The following KIF21A variants were observed in gnomAD, a reference collection of about 807,000 sequenced individuals.
KIF21A encodes the protein kinesin-like protein KIF21A.
KIF21A carries 114 observed loss-of-function variants against 202.9 expected under a neutral mutation model. The observed-to-expected ratio is 0.56, with a 90% CI of 0.48 to 0.66. The LOEUF (loss-of-function observed/expected upper bound fraction) is 0.66. Among genes scored for constraint, KIF21A ranks in the 30% least tolerant of loss-of-function variants. KIF21A has a pLI of 0.00. For synonymous variants in KIF21A, 667 were observed against 670.8 expected, an observed-to-expected ratio of 0.99 and a Z score of 0.09; for missense variants, 1,677 against 1,994.9, an observed-to-expected ratio of 0.84 and a Z score of 3.04.
intron 1 of KIF21A, among the ~76,000 whole-genome samples, chr12:39,419,936 C>T (rs746878558): frequency 1.3e-5 from 2 of 152,004 alleles, no homozygotes; most frequent in African/African-American, 2.4e-5. Flanking sequence ...AGAAGACAGG[C>T]CCATCTCAGA....
At chr12:39,421,307 CA>C (rs1241564107) in intron 1 of KIF21A, among the ~76,000 whole-genome samples, 1 of 152,122 alleles carries the variant, frequency 6.6e-6, no homozygotes, top group African/African-American at 2.4e-5. Context: ...CACACAACCG[CA>C]AAATTGCCTA....
intron 1 of KIF21A, among the ~76,000 whole-genome samples, chr12:39,383,462 T>G (rs370789169): frequency 1.6e-3 from 248 of 152,320 alleles, no homozygotes; most frequent in African/African-American, 5.8e-3. Flanking sequence ...CTATAAAAAT[T>G]GTTTCCAGAA....
At chr12:39,394,835 C>T (rs35717937) in intron 1 of KIF21A, among the ~76,000 whole-genome samples, 1,972 of 152,210 alleles carry the variant, frequency 0.013, 16 homozygotes, top group Non-Finnish European at 0.022. Flanking sequence ...GGATGGGGGG[C>T]GGGGGAGTTC....
intron 17 of KIF21A, among the ~76,000 whole-genome samples, chr12:39,334,715 A>G (rs1946813645): frequency 6.6e-6 from 1 of 152,188 alleles, no homozygotes; most frequent in African/African-American, 2.4e-5. Context: ...ACAAGGAACA[A>G]TTTTAAAAGG....
intron 1 of KIF21A, among the ~76,000 whole-genome samples, chr12:39,396,960 CT>C (rs1272754948): frequency 6.6e-6 from 1 of 152,082 alleles, no homozygotes; most frequent in East Asian, 1.9e-4. Context: ...ACTCAAAAGA[CT>C]AAATAAATAG....
At chr12:39,354,622 T>G (rs1006008509) in intron 10 of KIF21A, among the ~76,000 whole-genome samples, 2 of 152,080 alleles carry the variant, frequency 1.3e-5, no homozygotes, top group African/African-American at 4.8e-5. Context: ...TAAGATGAAA[T>G]AGAAATATTC....
At chr12:39,369,691 A>T (rs1425816331) in intron 3 of KIF21A, 38 bp downstream of exon 3, 2 of 1,543,692 alleles carry the variant, frequency 1.3e-6, no homozygotes, top group South Asian at 2.2e-5. Context: ...TATAAGAACA[A>T]AATTTAAAAG....
At position 39,315,243 on chromosome 12, in the gene KIF21A, G is replaced by C. The variant is rs375530800; in HGVS notation, c.3948-3C>G. 12 of 1,611,528 alleles carry C rather than the reference G, an allele frequency of 7.4e-6. No homozygotes were observed. In the African/African-American group the frequency reaches 1.1e-4, roughly 14 times the overall value. On this transcript the variant is annotated splice_region_variant and splice_polypyrimidine_tract_variant and intron_variant, in intron 30 of 37. Coordinates refer to ENST00000361418, the MANE Select transcript of KIF21A (RefSeq NM_001173464.2). ...CCCCTGCCTACCTTCTGGAGGATCT[G>C]CTGATGATCAGCAAAAATGGCCATA...
intron 21 of KIF21A, chr12:39,331,998 A>G: frequency 1.5e-6 from 1 of 662,364 alleles, no homozygotes; most frequent in Non-Finnish European, 2.6e-6. Flanking sequence ...TGGGATGTAA[A>G]GATGACCCAT....
chr12:39,360,393 A>AT (rs201499236), intron 7 of KIF21A, among the ~76,000 whole-genome samples: 41,447 of 145,098 alleles, frequency 0.29, 6,498 homozygotes, highest in South Asian at 0.46. Flanking sequence ...TAGAAATATG[A>AT]TTTTTTTTTT....
intron 25 of KIF21A, 136 bp downstream of exon 25, chr12:39,326,128 T>C: frequency 1.3e-6 from 1 of 756,918 alleles, no homozygotes; most frequent in Non-Finnish European, 2.3e-6. Flanking sequence ...TGGTTTCTAT[T>C]TACTGTTTCT....
In KIF21A at chr12:39,315,227, A is replaced by G. The variant is rs757946739; in HGVS notation, c.3959+2T>C. ...TAATTTCCTCTCCCTTCCCCTGCCT[A>G]CCTTCTGGAGGATCTGCTGATGATC... On this transcript the variant is annotated splice_donor_variant, in intron 31 of 37. Transcript: ENST00000361418. LOFTEE classifies it high-confidence loss of function. 14 of 1,611,872 alleles carry G rather than the reference A, an allele frequency of 8.7e-6. No homozygotes were observed. Among genetic ancestry groups the G allele is most frequent in the Admixed American group, 1.7e-5 (1 of 59,958 alleles).
intron 1 of KIF21A, among the ~76,000 whole-genome samples, chr12:39,372,458 T>C (rs191382721): frequency 2.6e-5 from 4 of 152,260 alleles, no homozygotes; most frequent in East Asian, 3.9e-4. Context: ...TGTCACTCCA[T>C]AGGTATCATG....
Position 39,341,006 on chromosome 12 carries a change from T to A in KIF21A, c.2010A>T (p.Arg670Ser). Residue 670 changes from arginine to serine, a missense_variant, in exon 15 of 38, where the codon AGA becomes AGT. Around this residue, in one of 3 missense-constraint regions of KIF21A, gnomAD observed 966 missense variants for 1,180.9 expected, o/e 0.82. Coordinates refer to ENST00000361418, the MANE Select transcript of KIF21A (RefSeq NM_001173464.2). ...LIDELENSQK[R>S]LQTLKKQYEE... is the part of the protein sequence containing the mutation. The stretch of plus-strand genomic sequence containing the variant: ...CATACTGCTTTTTCAGAGTCTGCAG[T>A]CTTTTCTGGCTGTTTTCTAGTTCAT... The A allele has an allele frequency of 6.2e-7, 1 of 1,613,070 alleles. No homozygotes were observed. The highest frequency in any genetic ancestry group is 8.5e-7 in the Non-Finnish European group (1 of 1,179,366).
intron 1 of KIF21A, among the ~76,000 whole-genome samples, chr12:39,373,721 G>A (rs1288942338): frequency 6.6e-6 from 1 of 152,154 alleles, no homozygotes; most frequent in Non-Finnish European, 1.5e-5. Context: ...AAAACTAGGT[G>A]CCATTTGAAT....
rs376549532 is a variant in KIF21A, at chr12:39,341,143, C to T, written c.1922-49G>A. The T allele has an allele frequency of 4.4e-6, 6 of 1,351,394 alleles. No individual in the cohort carries two copies. The African/African-American group carries it at 7.2e-5, about 16-fold the overall frequency. 83.7% of individuals were successfully genotyped at this position (1,351,394 alleles called of 1,614,324 possible). A position where few individuals can be genotyped will look rare whatever the true frequency, so the allele number is the denominator to read the frequency against. ...AAATCCTGGTGCTAGGCCAAAATAT[C>T]AGAATTCTAGCTTTCAAGCAGACCA... On this transcript the variant is annotated intron_variant, in intron 14 of 37. Coordinates refer to ENST00000361418, the MANE Select transcript of KIF21A (RefSeq NM_001173464.2).
intron 7 of KIF21A, among the ~76,000 whole-genome samples, chr12:39,359,885 A>T (rs1949073261): frequency 6.6e-6 from 1 of 152,220 alleles, no homozygotes; most frequent in Non-Finnish European, 1.5e-5. Flanking sequence ...AACTTCCTGT[A>T]ATCAATGACC....
chr12:39,329,529 ATAAAT>A (rs1180031987), intron 24 of KIF21A, among the ~76,000 whole-genome samples: 8 of 151,988 alleles, frequency 5.3e-5, no homozygotes, highest in Non-Finnish European at 1.2e-4. Context: ...GAGGAACACA[ATAAAT>A]TAAAGTACAA....
chr12:39,297,811 C>T (rs1300776925), intron 37 of KIF21A, among the ~76,000 whole-genome samples: 5 of 150,520 alleles, frequency 3.3e-5, no homozygotes, highest in Admixed American at 2.0e-4. Flanking sequence ...CACCCTTAGA[C>T]ACACATATAC....
Sources: gnomAD v4.1 joint callset for allele counts (sites outside exome capture counted in the v4.1 genomes callset) on GRCh38, gnomAD v4.1.1 for gene constraint, gnomAD v4.1.1 regional missense constraint, MANE v1.5 for transcripts, NCBI Gene and HGNC (gene_info 2026-07-23, HGNC 2026-07-21) for gene names.